Variants in NFU1 observed in about 807,000 individuals in gnomAD.
NFU1 encodes NFU1 iron-sulfur cluster scaffold.
NFU1 carries 30 observed loss-of-function variants against 32.2 expected under a neutral mutation model. That is an observed-to-expected ratio of 0.93 (90% CI 0.70 to 1.26). The LOEUF (loss-of-function observed/expected upper bound fraction) is 1.26. Ranked by LOEUF, NFU1 falls within the 50% of genes most tolerant of loss-of-function variation. The pLI, the probability that NFU1 is intolerant of heterozygous loss-of-function variation, is 0.00. For synonymous variants in NFU1, 112 were observed against 104.6 expected (o/e 1.07, Z -0.43); for missense variants, 306 against 306.6 (o/e 1.00, Z 0.02).
rs774399970 is a variant in NFU1 at position 69,415,251 on chromosome 2, T to C, written c.418A>G (p.Thr140Ala). The C allele has an allele frequency of 3.1e-6, 5 of 1,613,092 alleles. No homozygotes were observed. The East Asian group carries it at 1.1e-4, about 36-fold the overall frequency. The change falls in exon 5 of 8, where the codon ACA (threonine) becomes GCA (alanine). Residue 140 changes from threonine to alanine, a missense_variant. Coordinates refer to ENST00000410022, the MANE Select transcript of NFU1 (RefSeq NM_001002755.4). Reference protein sequence around the residue: ...WNLLKPDIYATIMDFFASGLP... With the variant: ...WNLLKPDIYAAIMDFFASGLP... ...CCAGATGCAAAGAAGTCCATGATTGTTGCATAAATATCTGGTTTCAGTAAA... is the reference window on the plus strand; with the variant it reads ...CCAGATGCAAAGAAGTCCATGATTGCTGCATAAATATCTGGTTTCAGTAAA...
intron 6 of NFU1, 62 bp downstream of exon 6, chr2:69,405,960 T>C (rs1333481160): frequency 1.1e-5 from 11 of 1,042,620 alleles, no homozygotes; most frequent in Non-Finnish European, 1.5e-5. Context: ...ACTAAAACTA[T>C]ATTGCTATAA....
At position 69,400,452 on chromosome 2, in the gene NFU1, G is replaced by C. The variant is rs1672485489; in HGVS notation, c.632C>G (p.Thr211Ser). 6.2e-7 allele frequency: 1 copy of C among 1,613,992 alleles called. No homozygotes were observed. Among genetic ancestry groups the C allele is most frequent in the Non-Finnish European group, 8.5e-7 (1 of 1,179,892 alleles). ...AGTAATGATTGAACTAGGGCAGCTG[G>C]TACAAGAACCCTGGAGTTTCAGCTG... ...IVQLKLQGSC[T>S]SCPSSIITLK... The change falls in exon 7 of 8, where the codon ACC (threonine) becomes AGC (serine). Residue 211 changes from threonine (T) to serine (S), a missense_variant. By Grantham distance (58) the Thr-to-Ser change is moderately conservative. Transcript: ENST00000410022.
intron 5 of NFU1, among the ~76,000 whole-genome samples, chr2:69,414,111 A>C (rs1470158234): frequency 6.6e-6 from 1 of 152,178 alleles, no homozygotes; most frequent in Non-Finnish European, 1.5e-5. Flanking sequence ...ATTCATAAAC[A>C]GACTTGTATA....
intron 4 of NFU1, among the ~76,000 whole-genome samples, chr2:69,418,027 T>C (rs1192384949): frequency 2.6e-5 from 4 of 152,182 alleles, no homozygotes; most frequent in South Asian, 2.1e-4. Flanking sequence ...TGTAAAGCAC[T>C]AGGGCCATAT....
chr2:69,423,659 TA>T lies in NFU1; in HGVS notation c.224del (p.Ile75AsnfsTer35). The stretch of plus-strand genomic sequence containing the variant: ...TTGTCTCAAGAACTGGTTTTCCTGG[TA>T]TAAACTTTAAGCTGTTTGGATTTGG... Reference protein sequence around the residue: ...DTPNPNSLKFIPGKPVLETRT... With the variant: ...DTPNPNSLKFXPGKPVLETRT... On this transcript the variant is annotated frameshift_variant, in exon 3 of 8. Transcript: ENST00000410022. LOFTEE classifies it high-confidence loss of function. The T allele has an allele frequency of 6.2e-7, 1 of 1,612,390 alleles. No homozygotes were observed. Among genetic ancestry groups the T allele is most frequent in the African/African-American group, 1.3e-5 (1 of 75,002 alleles).
At chr2:69,401,980 G>A (rs936340767) in intron 6 of NFU1, among the ~76,000 whole-genome samples, 2 of 151,260 alleles carry the variant, frequency 1.3e-5, no homozygotes, top group African/African-American at 2.4e-5. Flanking sequence ...TGCAACTTCC[G>A]CCTCCCGGGT....
At chr2:69,439,537 A>T (rs139803660), upstream of NFU1, among the ~76,000 whole-genome samples, 1 of 152,230 alleles carries the variant, frequency 6.6e-6, no homozygotes, top group Admixed American at 6.5e-5. Flanking sequence ...CAAAGCTTTC[A>T]TAACATGGAA....
chr2:69,434,081 C>A (rs1673745313), intron 1 of NFU1, among the ~76,000 whole-genome samples: 1 of 152,056 alleles, frequency 6.6e-6, no homozygotes, highest in South Asian at 2.1e-4. Flanking sequence ...CCATGCCCTG[C>A]CTTTTATATG....
At position 69,427,119 on chromosome 2, in the gene NFU1, C is replaced by T. The variant is rs546801407; in HGVS notation, c.167-3402G>A. Among the ~76,000 whole-genome samples the T allele has an allele frequency of 4.6e-5, 7 of 150,870 alleles. 1 individual carries two copies. In the East Asian group the frequency reaches 9.8e-4, roughly 21 times the overall value. ...TGAATTTTCTGGCCAGGCGTGGTGG[C>T]TCACGCCTATAATCCTAGCACTTTG... On this transcript the variant is annotated intron_variant, in intron 2 of 7. Coordinates refer to ENST00000410022, the MANE Select transcript of NFU1 (RefSeq NM_001002755.4).
At chr2:69,437,900 T>C (rs1038407127), upstream of NFU1, among the ~76,000 whole-genome samples, 5 of 152,196 alleles carry the variant, frequency 3.3e-5, no homozygotes, top group African/African-American at 1.2e-4. Context: ...GATGTGGAAC[T>C]GTGTCTAACC....
intron 3 of NFU1, among the ~76,000 whole-genome samples, chr2:69,420,071 T>A (rs1673189657): frequency 6.6e-6 from 1 of 152,008 alleles, no homozygotes; most frequent in Non-Finnish European, 1.5e-5. Flanking sequence ...AGTGGTGAGA[T>A]CTTGGCTCAT....
rs1672389740 is a variant in NFU1 at position 69,397,827 on chromosome 2, T to C, written c.721-1537A>G. Among the ~76,000 whole-genome samples the C allele has an allele frequency of 3.3e-5, 5 of 149,502 alleles. No individual in the cohort carries two copies. In the South Asian group the frequency reaches 1.0e-3, roughly 31 times the overall value. On this transcript the variant is annotated intron_variant, in intron 7 of 7. Coordinates refer to ENST00000410022, the MANE Select transcript of NFU1 (RefSeq NM_001002755.4). ...TACCTGGGAAGCTAAGGCAGGAGAA[T>C]CATTTGAACTCGGGAGGTGGAGGCT... is the stretch of plus-strand genomic sequence containing the variant.
chr2:69,414,805 C>T (rs532751874), intron 5 of NFU1, among the ~76,000 whole-genome samples: 1 of 151,788 alleles, frequency 6.6e-6, no homozygotes, highest in Non-Finnish European at 1.5e-5. Flanking sequence ...TTACTTTATG[C>T]TCTATATTCT....
chr2:69,433,082 G>A (rs74878084), intron 1 of NFU1, among the ~76,000 whole-genome samples: 95,727 of 144,596 alleles, frequency 0.66, 32,806 homozygotes, highest in African/African-American at 0.85. Flanking sequence ...CCCAGGAGGC[G>A]TAGGTTGCAG....
At chr2:69,409,763 C>A (rs1247239510) in intron 5 of NFU1, among the ~76,000 whole-genome samples, 1 of 152,100 alleles carries the variant, frequency 6.6e-6, no homozygotes, top group Non-Finnish European at 1.5e-5. Flanking sequence ...TAAGAACTCA[C>A]TCCCCTCCCC....
chr2:69,423,628 T>C lies in NFU1; in HGVS notation c.256A>G (p.Met86Val), dbSNP rs765987775. 5 of 1,613,884 alleles carry C rather than the reference T, an allele frequency of 3.1e-6. No individual in the cohort carries two copies. In the South Asian group the frequency reaches 5.5e-5, roughly 18 times the overall value. ...PGKPVLETRTMDFPTPAAAFR... is the reference protein window; with the variant it reads ...PGKPVLETRTVDFPTPAAAFR... ...GCTGCAGCTGGGGTGGGAAAATCCATGGTCCTTGTCTCAAGAACTGGTTTT... is the reference window on the plus strand; with the variant it reads ...GCTGCAGCTGGGGTGGGAAAATCCACGGTCCTTGTCTCAAGAACTGGTTTT... Residue 86 changes from methionine to valine, a missense_variant, in exon 3 of 8, where the codon ATG becomes GTG. Coordinates refer to ENST00000410022, the MANE Select transcript of NFU1 (RefSeq NM_001002755.4).
chr2:69,433,086 GTT>G (rs1673700747), intron 1 of NFU1, among the ~76,000 whole-genome samples: 1 of 18,948 alleles, frequency 5.3e-5, no homozygotes, highest in Non-Finnish European at 9.2e-5. Flanking sequence ...GGAGGCGTAG[GTT>G]GCAGTGAGCC....
chr2:69,416,521 A>G (rs1673060586), intron 4 of NFU1, among the ~76,000 whole-genome samples: 1 of 151,842 alleles, frequency 6.6e-6, no homozygotes, highest in South Asian at 2.1e-4. Flanking sequence ...TAAAAAAAAC[A>G]TAGGATGTAA....
chr2:69,423,632 C>T lies in NFU1; in HGVS notation c.252G>A (p.Arg84=). The change falls in exon 3 of 8, where the codon AGG becomes AGA. Residue 84 remains arginine, a synonymous_variant. Transcript: ENST00000410022. ...CAGCTGGGGTGGGAAAATCCATGGT[C>T]CTTGTCTCAAGAACTGGTTTTCCTG... is the stretch of plus-strand genomic sequence containing the variant. ...FIPGKPVLET[R]TMDFPTPAAA... The T allele has an allele frequency of 6.2e-7, 1 of 1,613,578 alleles. No individual in the cohort carries two copies. The highest frequency in any genetic ancestry group is 1.3e-5 in the African/African-American group (1 of 74,936).
Sources: gnomAD v4.1 joint callset for allele counts (sites outside exome capture counted in the v4.1 genomes callset) on GRCh38, gnomAD v4.1.1 for gene constraint, MANE v1.5 for transcripts, NCBI Gene and HGNC (gene_info 2026-07-23, HGNC 2026-07-21) for gene names.